The following GALNTL6 variants were observed in gnomAD, a reference collection of about 807,000 sequenced individuals.
GALNTL6 encodes polypeptide N-acetylgalactosaminyltransferase like 6, also known as polypeptide N-acetylgalactosaminyltransferase-like 6.
Under a neutral mutation model 73.7 loss-of-function variants are expected in GALNTL6, and 46 were observed. The observed-to-expected ratio is 0.62, with a 90% CI of 0.49 to 0.80. The LOEUF is 0.80. Among genes scored for constraint, GALNTL6 ranks in the 30% least tolerant of loss-of-function variants. The probability of loss-of-function intolerance (pLI) is 0.00; values close to 1 mark genes in which losing one functional copy is unlikely to be tolerated. For synonymous variants in GALNTL6, 259 were observed against 263.7 expected (o/e 0.98, Z 0.17); for missense variants, 604 against 755.0 (o/e 0.80, Z 2.34).
Position 172,196,911 on chromosome 4 carries a change from T to C in GALNTL6, c.139-32745T>C, listed in dbSNP as rs567688901. On this transcript the variant is annotated intron_variant, in intron 2 of 12. Transcript: ENST00000506823. Reference sequence around the variant, plus strand: ...AGAATGCCCTCTCTCACCACTCCTATTCAACATAGTATTGGAACTTCCCGC... The same window carrying C: ...AGAATGCCCTCTCTCACCACTCCTACTCAACATAGTATTGGAACTTCCCGC... 2.6e-5 allele frequency among the ~76,000 whole-genome samples: 4 copies of C among 152,298 alleles called. No individual in the cohort carries two copies. In the South Asian group the frequency reaches 8.3e-4, roughly 32 times the overall value.
intron 5 of GALNTL6, among the ~76,000 whole-genome samples, chr4:172,613,314 A>G (rs559443683): frequency 1.3e-5 from 2 of 152,198 alleles, no homozygotes; most frequent in Admixed American, 6.6e-5. Flanking sequence ...GTGATCACAG[A>G]AGGGCCTTCT....
At chr4:172,304,672 A>G (rs1328247624) in intron 3 of GALNTL6, among the ~76,000 whole-genome samples, 1 of 152,158 alleles carries the variant, frequency 6.6e-6, no homozygotes, top group Non-Finnish European at 1.5e-5. Flanking sequence ...TGTCACTAGC[A>G]GGGTTTTTTT....
chr4:171,866,029 A>G (rs1490667979), intron 2 of GALNTL6, among the ~76,000 whole-genome samples: 1 of 152,110 alleles, frequency 6.6e-6, no homozygotes, highest in Non-Finnish European at 1.5e-5. Context: ...GTTTTCCCAA[A>G]CTCCCACTAA....
chr4:172,689,443 T>C (rs915729167), intron 5 of GALNTL6, among the ~76,000 whole-genome samples: 1 of 152,256 alleles, frequency 6.6e-6, no homozygotes, highest in African/African-American at 2.4e-5. Flanking sequence ...CTGACATCTA[T>C]GAAAACATTT....
At chr4:172,315,388 C>A (rs899070661) in intron 4 of GALNTL6, among the ~76,000 whole-genome samples, 8 of 152,110 alleles carry the variant, frequency 5.3e-5, no homozygotes, top group African/African-American at 1.9e-4. Context: ...CTCAGCCTCC[C>A]AAGTAGCTGG....
chr4:172,991,528 TAGCTA>T (rs140218449), intron 10 of GALNTL6, among the ~76,000 whole-genome samples: 44 of 152,124 alleles, frequency 2.9e-4, no homozygotes, highest in Non-Finnish European at 5.7e-4. Flanking sequence ...GCCTCCTGAG[TAGCTA>T]AGACTACAGG....
intron 2 of GALNTL6, among the ~76,000 whole-genome samples, chr4:171,916,991 A>C (rs182846590): frequency 6.6e-6 from 1 of 152,190 alleles, no homozygotes; most frequent in East Asian, 1.9e-4. Flanking sequence ...ACAGATGATG[A>C]ATGTGGGAAG....
chr4:171,850,335 G>C (rs1735488242), intron 2 of GALNTL6, among the ~76,000 whole-genome samples: 1 of 152,194 alleles, frequency 6.6e-6, no homozygotes, highest in East Asian at 1.9e-4. Flanking sequence ...CACAGCCTCT[G>C]TAAACTGGCC....
At chr4:172,039,210 A>C (rs1040445479) in intron 2 of GALNTL6, among the ~76,000 whole-genome samples, 3 of 152,068 alleles carry the variant, frequency 2.0e-5, no homozygotes, top group African/African-American at 7.2e-5. Context: ...TGTTTGTTTA[A>C]CTGGCAATTA....
At position 172,744,840 on chromosome 4, in the gene GALNTL6, C is replaced by CGTGTGTGTGT. The variant is rs3084334; in HGVS notation, c.554-64498_554-64489dup. On this transcript the variant is annotated intron_variant, in intron 5 of 12. Coordinates refer to ENST00000506823, the MANE Select transcript of GALNTL6 (RefSeq NM_001034845.3). ...AGGATAGATTTTAAGAGTGCGCGTG[C>CGTGTGTGTGT]GTGTGTGTGTGTGTGTGTGTGTGTG... 3.2e-4 allele frequency among the ~76,000 whole-genome samples: 48 copies of CGTGTGTGTGT among 149,358 alleles called. No individual in the cohort carries two copies. In the South Asian group the frequency reaches 3.4e-3, roughly 11 times the overall value.
intron 2 of GALNTL6, among the ~76,000 whole-genome samples, chr4:171,884,717 AG>A: frequency 6.6e-6 from 1 of 152,268 alleles, no homozygotes; most frequent in East Asian, 1.9e-4. Flanking sequence ...TAATGACAAA[AG>A]ACAGCTAATG....
chr4:172,262,083 T>G (rs926611920), intron 3 of GALNTL6, among the ~76,000 whole-genome samples: 8 of 151,358 alleles, frequency 5.3e-5, no homozygotes, highest in Admixed American at 2.0e-4. Flanking sequence ...ATGTTCCATG[T>G]GCTTAAAAAG....
intron 2 of GALNTL6, among the ~76,000 whole-genome samples, chr4:171,897,833 C>G (rs1183596011): frequency 2.7e-5 from 4 of 150,526 alleles, no homozygotes; most frequent in Admixed American, 6.6e-5. Context: ...GAGGCTGAGG[C>G]AGAGAATTGC....
intron 2 of GALNTL6, among the ~76,000 whole-genome samples, chr4:171,952,523 CTTA>C (rs1319220621): frequency 2.0e-5 from 3 of 151,896 alleles, no homozygotes; most frequent in Non-Finnish European, 4.4e-5. Flanking sequence ...ATTTCAATGA[CTTA>C]TTATCAAGTT....
intron 2 of GALNTL6, among the ~76,000 whole-genome samples, chr4:171,990,344 T>G (rs76362783): frequency 0.024 from 3,629 of 152,222 alleles, 57 homozygotes; most frequent in African/African-American, 0.051. Context: ...TAATCCTCAT[T>G]TTACAGTTGA....
intron 2 of GALNTL6, among the ~76,000 whole-genome samples, chr4:171,859,157 A>G (rs990968487): frequency 1.3e-5 from 2 of 152,124 alleles, no homozygotes; most frequent in African/African-American, 4.8e-5. Flanking sequence ...ATCTTTTCTT[A>G]TAATTCTCTA....
intron 2 of GALNTL6, among the ~76,000 whole-genome samples, chr4:172,201,260 T>C (rs1368687132): frequency 2.0e-5 from 3 of 151,884 alleles, no homozygotes; most frequent in Non-Finnish European, 4.4e-5. Context: ...AGGCTGGAGT[T>C]CAGTGGCACG....
At chr4:172,115,108 T>TA (rs2110986356) in intron 2 of GALNTL6, among the ~76,000 whole-genome samples, 1 of 152,270 alleles carries the variant, frequency 6.6e-6, no homozygotes, top group East Asian at 1.9e-4. Context: ...TCTACTATCA[T>TA]TTATTCTTCT....
chr4:172,856,777 G>T lies in GALNTL6; in HGVS notation c.924-26013G>T, dbSNP rs570297142. Reference sequence around the variant, plus strand: ...GGGGATTTCAGTGTTTCTTTGTCAAGCCTATTTTTAAGAAACCACTTTCAC... The same window carrying T: ...GGGGATTTCAGTGTTTCTTTGTCAATCCTATTTTTAAGAAACCACTTTCAC... On this transcript the variant is annotated intron_variant, in intron 7 of 12. Transcript: ENST00000506823. Among the ~76,000 whole-genome samples, 330 of 152,234 alleles carry T rather than the reference G, an allele frequency of 2.2e-3. 3 individuals carry two copies. The highest frequency in any genetic ancestry group is 7.6e-3 in the African/African-American group (316 of 41,536).
Sources: allele counts gnomAD v4.1 joint callset (sites outside exome capture counted in the v4.1 genomes callset), GRCh38; gene constraint gnomAD v4.1.1; transcripts MANE v1.5; gene names NCBI Gene and HGNC (gene_info 2026-07-23, HGNC 2026-07-21).